The following CDC5L variants were observed in gnomAD, a reference collection of about 807,000 sequenced individuals.
CDC5L encodes the protein cell division cycle 5 like.
A neutral mutation model predicts 104.1 loss-of-function variants in CDC5L; 18 were observed. The ratio of observed to expected loss-of-function variants is 0.17; its 90% CI spans 0.12 to 0.26. The LOEUF (loss-of-function observed/expected upper bound fraction) is 0.26, where lower values mean the gene tolerates loss of function less well. Among genes scored for constraint, CDC5L ranks in the 10% least tolerant of loss-of-function variants. CDC5L has a pLI of 1.00. For missense variants in CDC5L, 673 were observed against 956.9 expected (o/e 0.70, Z 3.91); for synonymous variants, 331 against 322.7 (o/e 1.03, Z -0.28).
intron 5 of CDC5L, 64 bp downstream of exon 5, chr6:44,396,504 C>A: frequency 1.0e-6 from 1 of 955,818 alleles, no homozygotes; most frequent in Non-Finnish European, 1.6e-6. Flanking sequence ...ACACAGAATA[C>A]TTCTGTGACC....
In CDC5L at chr6:44,403,848, A is replaced by T; in HGVS notation, c.579A>T (p.Ala193=). Residue 193 remains alanine, a synonymous_variant, in exon 6 of 16, where the codon GCA becomes GCT. Transcript: ENST00000371477. Reference sequence around the variant, plus strand: ...TCCAAAAAAGAAGAGAACTTCGAGCAGCTGGCATAGAAATTCAGAAGAAAA... The same window carrying T: ...TCCAAAAAAGAAGAGAACTTCGAGCTGCTGGCATAGAAATTCAGAAGAAAA... ...AALQKRRELR[A]AGIEIQKKRK... is the part of the protein sequence containing the mutation. 6.2e-7 allele frequency: 1 copy of T among 1,612,314 alleles called. No homozygotes were observed.
intron 2 of CDC5L, 85 bp from the exon 3 acceptor site, chr6:44,392,582 G>C: frequency 1.7e-6 from 2 of 1,208,384 alleles, no homozygotes; most frequent in Non-Finnish European, 2.4e-6. Flanking sequence ...TGAAGGATGA[G>C]AGCACAAGTC....
chr6:44,441,932 C>CTTTTTTTTTTT (rs145016358), intron 14 of CDC5L, among the ~76,000 whole-genome samples: 4 of 92,850 alleles, frequency 4.3e-5, no homozygotes, highest in African/African-American at 8.8e-5. Flanking sequence ...AGGTCTTGTT[C>CTTTTTTTTTTT]TTTTTTTTTT....
chr6:44,425,814 G>A (rs1792392840), intron 11 of CDC5L, among the ~76,000 whole-genome samples: 1 of 151,990 alleles, frequency 6.6e-6, no homozygotes, highest in Non-Finnish European at 1.5e-5. Context: ...AGTCTCTTTG[G>A]AGTTTAGGTT....
chr6:44,406,196 C>G (rs1196583493), intron 6 of CDC5L, 127 bp from the exon 7 acceptor site: 1 of 714,770 alleles, frequency 1.4e-6, no homozygotes, highest in African/African-American at 1.8e-5. Context: ...GCCATTGCAC[C>G]TGGCCTTTTC....
intron 14 of CDC5L, among the ~76,000 whole-genome samples, chr6:44,444,315 G>A (rs1358017568): frequency 6.6e-6 from 1 of 152,148 alleles, no homozygotes; most frequent in Non-Finnish European, 1.5e-5. Context: ...TGTTTTCTGT[G>A]GTTTAGGGAG....
chr6:44,414,430 GTA>G, intron 8 of CDC5L, among the ~76,000 whole-genome samples: 1 of 141,120 alleles, frequency 7.1e-6, no homozygotes, highest in East Asian at 2.5e-4. Flanking sequence ...GTGTGTGTGT[GTA>G]TTTTTTTTTA....
chr6:44,428,334 A>C lies in CDC5L; in HGVS notation c.1894-1379A>C, dbSNP rs184491799. The stretch of plus-strand genomic sequence containing the variant: ...TTTTGTTAAAATTTTTTGTTTATCA[A>C]TCATTTCTCTTGATTTTGTAGATTT... On this transcript the variant is annotated intron_variant, in intron 13 of 15. Coordinates refer to ENST00000371477, the MANE Select transcript of CDC5L (RefSeq NM_001253.4). Among the ~76,000 whole-genome samples the C allele has an allele frequency of 8.6e-5, 13 of 151,986 alleles. No homozygotes were observed. The East Asian group carries it at 2.5e-3, about 29-fold the overall frequency.
At chr6:44,442,378 TG>T in intron 14 of CDC5L, among the ~76,000 whole-genome samples, 1 of 96,606 alleles carries the variant, frequency 1.0e-5, no homozygotes, top group African/African-American at 4.7e-5. Flanking sequence ...GTGTATGTTG[TG>T]TGTGTGTGTG....
intron 8 of CDC5L, among the ~76,000 whole-genome samples, chr6:44,409,994 G>A (rs1030366305): frequency 6.6e-6 from 1 of 151,538 alleles, no homozygotes; most frequent in Non-Finnish European, 1.5e-5. Context: ...ACAGTATGAT[G>A]TTTTGATATA....
At chr6:44,396,505 T>C in intron 5 of CDC5L, 65 bp downstream of exon 5, 1 of 1,020,570 alleles carries the variant, frequency 9.8e-7, no homozygotes, top group Non-Finnish European at 1.5e-6. Flanking sequence ...CACAGAATAC[T>C]TCTGTGACCA....
chr6:44,408,963 A>G (rs1052209742), intron 8 of CDC5L, among the ~76,000 whole-genome samples: 6 of 152,180 alleles, frequency 3.9e-5, no homozygotes, highest in Non-Finnish European at 7.4e-5. Context: ...ACTTCCTTGC[A>G]TTTCTGTACT....
chr6:44,446,813 CTG>C lies in CDC5L; in HGVS notation c.*105_*106del. 2 of 609,294 alleles carry C rather than the reference CTG, an allele frequency of 3.3e-6. No homozygotes were observed. Among genetic ancestry groups the C allele is most frequent in the Non-Finnish European group, 5.7e-6 (2 of 348,950 alleles). 37.7% of individuals were successfully genotyped at this position (609,294 alleles called of 1,614,324 possible). The stretch of plus-strand genomic sequence containing the variant: ...CTTCATTGACAAATTTACCCACCAT[CTG>C]TGGTTTTTCAGTTGTTTATTTTAAA... On this transcript the variant is annotated 3_prime_UTR_variant, in exon 16 of 16. Coordinates refer to ENST00000371477, the MANE Select transcript of CDC5L (RefSeq NM_001253.4).
chr6:44,434,641 A>AG (rs1287146590), intron 14 of CDC5L, among the ~76,000 whole-genome samples: 1 of 152,232 alleles, frequency 6.6e-6, no homozygotes, highest in African/African-American at 2.4e-5. Flanking sequence ...TGGGCCCCCA[A>AG]GCAAGAGTTT....
chr6:44,402,613 T>G (rs892700532), intron 5 of CDC5L, among the ~76,000 whole-genome samples: 2 of 152,194 alleles, frequency 1.3e-5, no homozygotes, highest in Non-Finnish European at 2.9e-5. Flanking sequence ...ATTACAGTTA[T>G]AGCAACATAG....
At chr6:44,397,838 CCCTTTTTT>C (rs1192777049) in intron 5 of CDC5L, among the ~76,000 whole-genome samples, 1 of 152,166 alleles carries the variant, frequency 6.6e-6, no homozygotes, top group African/African-American at 2.4e-5. Flanking sequence ...CTTCACTTTC[CCCTTTTTT>C]CCTTTTGGTT....
intron 9 of CDC5L, among the ~76,000 whole-genome samples, chr6:44,420,983 A>G (rs1230796471): frequency 1.3e-5 from 2 of 152,088 alleles, no homozygotes; most frequent in African/African-American, 4.8e-5. Context: ...AGTTGTACCT[A>G]TGGTCTGTCA....
chr6:44,410,018 G>T (rs1444396630), intron 8 of CDC5L, among the ~76,000 whole-genome samples: 2 of 151,734 alleles, frequency 1.3e-5, no homozygotes, highest in Non-Finnish European at 2.9e-5. Context: ...ATACCTTATG[G>T]AATGGCTAAG....
In CDC5L at chr6:44,448,130, A is replaced by G. The variant is rs527453586; in HGVS notation, c.*1419A>G. 1.3e-5 allele frequency: 2 copies of G among 152,310 alleles called. No homozygotes were observed. The highest frequency in any genetic ancestry group is 2.1e-4 in the South Asian group (1 of 4,830). The allele number at this position is 152,310 out of a possible 1,614,324, so 9.4% of individuals were successfully genotyped here. On this transcript the variant is annotated 3_prime_UTR_variant, in exon 16 of 16. Transcript: ENST00000371477. ...ACATTTAAGATAACATGTGATTGAC[A>G]TTTTAGAATGGGCTATCCTTGTGAG... is the stretch of plus-strand genomic sequence containing the variant.
Sources: gnomAD v4.1 joint callset for allele counts (sites outside exome capture counted in the v4.1 genomes callset) on GRCh38, gnomAD v4.1.1 for gene constraint, MANE v1.5 for transcripts, NCBI Gene and HGNC (gene_info 2026-07-23, HGNC 2026-07-21) for gene names.